The following GRIP1 variants were observed in gnomAD, a reference collection of about 807,000 sequenced individuals.
GRIP1 encodes glutamate receptor-interacting protein 1.
GRIP1 carries 45 observed loss-of-function variants against 129.9 expected under a neutral mutation model. The observed-to-expected ratio is 0.35, with a 90% CI of 0.27 to 0.44. GRIP1 has a LOEUF of 0.44. Ranked by LOEUF, GRIP1 falls within the 20% of genes least tolerant of loss-of-function variation. The pLI, the probability that GRIP1 is intolerant of heterozygous loss-of-function variation, is 1.00. For missense variants in GRIP1, 1,196 were observed against 1,396.8 expected (o/e 0.86, Z 2.29); for synonymous variants, 530 against 520.8 (o/e 1.02, Z -0.24).
chr12:66,738,217 C>CTT lies in GRIP1; in HGVS notation c.-420+65834_-420+65835dup, dbSNP rs141675411. ...AGTGATGTCATAGATTTCTCTTTTTCTTTTTTTTTTCTTTTTTTTTGAGAC... is the reference window on the plus strand; with the variant it reads ...AGTGATGTCATAGATTTCTCTTTTTCTTTTTTTTTTTTCTTTTTTTTTGAGAC... On this transcript the variant is annotated intron_variant, in intron 1 of 4. Transcript: ENST00000538373. Among the ~76,000 whole-genome samples the CTT allele has an allele frequency of 3.6e-3, 535 of 148,252 alleles. 2 individuals carry two copies. Among genetic ancestry groups the CTT allele is most frequent in the African/African-American group, 0.013 (516 of 40,330 alleles).
intron 7 of GRIP1, among the ~76,000 whole-genome samples, chr12:66,502,228 T>G (rs754163334): frequency 2.4e-4 from 36 of 152,074 alleles, no homozygotes; most frequent in Non-Finnish European, 5.9e-5. Flanking sequence ...GCCCAAAGAT[T>G]TTTAAAAAAC....
intron 7 of GRIP1, among the ~76,000 whole-genome samples, chr12:66,501,281 T>C (rs557121291): frequency 6.6e-6 from 1 of 152,308 alleles, no homozygotes; most frequent in Admixed American, 6.5e-5. Context: ...TTTTATTACA[T>C]ACCAAGTACT....
chr12:67,003,085 A>G (rs2042575930), intron 1 of GRIP1, among the ~76,000 whole-genome samples: 1 of 152,156 alleles, frequency 6.6e-6, no homozygotes, highest in Non-Finnish European at 1.5e-5. Flanking sequence ...CCTCCTGAGC[A>G]CTAAAATCCT....
chr12:66,947,234 A>G (rs1377174593), intron 1 of GRIP1, among the ~76,000 whole-genome samples: 1 of 152,140 alleles, frequency 6.6e-6, no homozygotes, highest in Non-Finnish European at 1.5e-5. Flanking sequence ...GTCCCCTTTC[A>G]GCCCACATAT....
chr12:66,501,732 T>C (rs2060399186), intron 7 of GRIP1, among the ~76,000 whole-genome samples: 1 of 152,196 alleles, frequency 6.6e-6, no homozygotes, highest in Non-Finnish European at 1.5e-5. Flanking sequence ...ATTAAAGGGA[T>C]AATTTTCTCC....
intron 11 of GRIP1, 90 bp from the exon 12 acceptor site, chr12:66,445,598 A>G: frequency 1.1e-6 from 1 of 882,698 alleles, no homozygotes; most frequent in East Asian, 2.5e-5. Context: ...CTCTGCATAA[A>G]AACTGAATGG....
chr12:67,042,137 C>T (rs1021387127), intron 1 of GRIP1, among the ~76,000 whole-genome samples: 6 of 152,274 alleles, frequency 3.9e-5, no homozygotes, highest in South Asian at 2.1e-4. Context: ...CAGGTCACCA[C>T]GTGATGCCTT....
At chr12:66,774,539 A>C (rs2037919026) in intron 1 of GRIP1, among the ~76,000 whole-genome samples, 1 of 152,232 alleles carries the variant, frequency 6.6e-6, no homozygotes, top group African/African-American at 2.4e-5. Context: ...ATTAATATGC[A>C]CAGGCCTAAG....
chr12:66,821,738 T>C (rs2039322828), intron 1 of GRIP1, among the ~76,000 whole-genome samples: 1 of 152,184 alleles, frequency 6.6e-6, no homozygotes, highest in East Asian at 1.9e-4. Context: ...TTAAGTAGTC[T>C]TGTAGAAGGA....
intron 1 of GRIP1, chr12:67,035,396 T>C (rs1183709576): frequency 1.3e-5 from 2 of 152,228 alleles, no homozygotes; most frequent in Admixed American, 6.5e-5. Context: ...AATCTGCCTG[T>C]CCTTCAGGAC....
chr12:66,443,812 C>T lies in GRIP1; in HGVS notation c.1687+772G>A, dbSNP rs147892616. 1.2e-3 allele frequency among the ~76,000 whole-genome samples: 176 copies of T among 152,272 alleles called. 2 individuals carry two copies. Among genetic ancestry groups the T allele is most frequent in the African/African-American group, 4.0e-3 (165 of 41,554 alleles). Reference sequence around the variant, plus strand: ...AGTTTCCAACAAAAGTCTTCCTTGTCATTTTTAACAAGTATCTGCTGTCAT... The same window carrying T: ...AGTTTCCAACAAAAGTCTTCCTTGTTATTTTTAACAAGTATCTGCTGTCAT... On this transcript the variant is annotated intron_variant, in intron 13 of 24. Coordinates refer to ENST00000359742, the MANE Select transcript of GRIP1 (RefSeq NM_001366722.1).
chr12:66,401,022 A>G (rs1442491172), intron 16 of GRIP1, among the ~76,000 whole-genome samples: 2 of 152,188 alleles, frequency 1.3e-5, no homozygotes, highest in East Asian at 1.9e-4. Flanking sequence ...GGACCCACAC[A>G]AGAACCACTG....
intron 24 of GRIP1, among the ~76,000 whole-genome samples, chr12:66,350,032 T>C (rs1163664930): frequency 2.6e-5 from 4 of 152,068 alleles, no homozygotes; most frequent in African/African-American, 7.2e-5. Context: ...AATCCAGGAA[T>C]GTTCTGGAGT....
At chr12:66,694,354 T>C (rs576257173) in intron 1 of GRIP1, among the ~76,000 whole-genome samples, 3 of 152,290 alleles carry the variant, frequency 2.0e-5, no homozygotes, top group African/African-American at 7.2e-5. Context: ...ACTTTTAGAC[T>C]TAATGAAAAG....
intron 22 of GRIP1, among the ~76,000 whole-genome samples, chr12:66,375,024 T>G (rs566809711): frequency 7.9e-5 from 12 of 152,320 alleles, no homozygotes; most frequent in Admixed American, 3.9e-4. Flanking sequence ...TAAGGCAGCC[T>G]AGAGTTCTCT....
intron 1 of GRIP1, among the ~76,000 whole-genome samples, chr12:66,945,148 AAT>A (rs2041647304): frequency 6.6e-6 from 1 of 151,966 alleles, no homozygotes; most frequent in African/African-American, 2.4e-5. Flanking sequence ...TTCTTTTTTT[AAT>A]ATCTTATTTA....
chr12:67,025,994 T>A (rs2042937469), intron 1 of GRIP1, among the ~76,000 whole-genome samples: 2 of 152,166 alleles, frequency 1.3e-5, no homozygotes. Context: ...AGGTGCATAG[T>A]CACAGTGCTT....
At chr12:66,768,816 G>A (rs1225918965) in intron 1 of GRIP1, among the ~76,000 whole-genome samples, 1 of 152,138 alleles carries the variant, frequency 6.6e-6, no homozygotes, top group East Asian at 1.9e-4. Flanking sequence ...CTGACCCAGA[G>A]GACACTGCTG....
intron 1 of GRIP1, among the ~76,000 whole-genome samples, chr12:66,696,153 A>G (rs2035149078): frequency 6.6e-6 from 1 of 152,078 alleles, no homozygotes; most frequent in Non-Finnish European, 1.5e-5. Flanking sequence ...TTAAAGGACA[A>G]CTCATAACAC....
Sources: gnomAD v4.1 joint callset for allele counts (sites outside exome capture counted in the v4.1 genomes callset) on GRCh38, gnomAD v4.1.1 for gene constraint, MANE v1.5 for transcripts, NCBI Gene and HGNC (gene_info 2026-07-23, HGNC 2026-07-21) for gene names.